The following ITGBL1 variants were observed in gnomAD, a reference collection of about 807,000 sequenced individuals.
ITGBL1 encodes integrin subunit beta like 1, also known as integrin beta-like protein 1.
Under a neutral mutation model 68.5 loss-of-function variants are expected in ITGBL1, and 51 were observed. The ratio of observed to expected loss-of-function variants is 0.74; its 90% CI spans 0.59 to 0.94. ITGBL1 has a LOEUF of 0.94. Among genes scored for constraint, ITGBL1 ranks in the 40% least tolerant of loss-of-function variants. ITGBL1 has a pLI of 0.00. For synonymous variants in ITGBL1, 209 were observed against 227.3 expected (o/e 0.92, Z 0.72); for missense variants, 649 against 647.4 (o/e 1.00, Z -0.03).
At chr13:101,521,987 A>G (rs2049293251) in intron 2 of ITGBL1, among the ~76,000 whole-genome samples, 1 of 151,716 alleles carries the variant, frequency 6.6e-6, no homozygotes, top group Non-Finnish European at 1.5e-5. Flanking sequence ...TGACGGCAAC[A>G]TGGTCTTTAT....
intron 2 of ITGBL1, among the ~76,000 whole-genome samples, chr13:101,564,575 CA>C (rs1211280823): frequency 6.7e-6 from 1 of 148,850 alleles, no homozygotes; most frequent in Middle Eastern, 3.4e-3. Context: ...AATTTATGTA[CA>C]TATATATGTA....
At chr13:101,647,309 T>C (rs2032590944) in intron 7 of ITGBL1, among the ~76,000 whole-genome samples, 2 of 152,188 alleles carry the variant, frequency 1.3e-5, no homozygotes, top group African/African-American at 4.8e-5. Context: ...TTCAAAACCA[T>C]CTATGATGAG....
intron 3 of ITGBL1, 21 bp from the exon 4 acceptor site, chr13:101,575,403 T>G: frequency 6.2e-7 from 1 of 1,605,104 alleles, no homozygotes; most frequent in Non-Finnish European, 8.5e-7. Flanking sequence ...ACAAACAGTC[T>G]TTTTTGTTTT....
At chr13:101,684,935 A>G (rs1221509040) in intron 7 of ITGBL1, among the ~76,000 whole-genome samples, 1 of 151,984 alleles carries the variant, frequency 6.6e-6, no homozygotes, top group Non-Finnish European at 1.5e-5. Flanking sequence ...TATTTGGTTG[A>G]ATAATATAAA....
chr13:101,611,222 C>A (rs1034607587), intron 7 of ITGBL1, among the ~76,000 whole-genome samples: 5 of 152,150 alleles, frequency 3.3e-5, no homozygotes, highest in African/African-American at 1.2e-4. Flanking sequence ...AAAATGATGT[C>A]ATAGAAATGC....
intron 7 of ITGBL1, among the ~76,000 whole-genome samples, chr13:101,629,240 A>C (rs1180938060): frequency 6.6e-6 from 1 of 152,034 alleles, no homozygotes; most frequent in Non-Finnish European, 1.5e-5. Flanking sequence ...TGATTTTGTT[A>C]ATTTTTTACC....
intron 7 of ITGBL1, among the ~76,000 whole-genome samples, chr13:101,605,636 G>A (rs2030762085): frequency 7.0e-6 from 1 of 141,966 alleles, no homozygotes; most frequent in African/African-American, 2.4e-5. Context: ...ATGTAGACAT[G>A]TATGTGTGTA....
chr13:101,641,889 A>T (rs1172754406), intron 7 of ITGBL1, among the ~76,000 whole-genome samples: 1 of 151,860 alleles, frequency 6.6e-6, no homozygotes, highest in East Asian at 1.9e-4. Flanking sequence ...AAAGGACATG[A>T]ACTCATCCTT....
intron 7 of ITGBL1, among the ~76,000 whole-genome samples, chr13:101,607,758 T>C (rs1201855224): frequency 6.6e-6 from 1 of 152,098 alleles, no homozygotes; most frequent in East Asian, 1.9e-4. Context: ...ATCAGTTAGC[T>C]CTTCTCAATG....
intron 2 of ITGBL1, among the ~76,000 whole-genome samples, chr13:101,540,399 T>C (rs2049672380): frequency 6.6e-6 from 1 of 152,210 alleles, no homozygotes. Flanking sequence ...TCTGTTCTGT[T>C]CCATTGGTCT....
At chr13:101,591,352 TAAC>T (rs1372945801) in intron 6 of ITGBL1, among the ~76,000 whole-genome samples, 1 of 152,212 alleles carries the variant, frequency 6.6e-6, no homozygotes, top group Non-Finnish European at 1.5e-5. Context: ...TTATTAATAA[TAAC>T]AATTTTCTTT....
intron 2 of ITGBL1, among the ~76,000 whole-genome samples, chr13:101,535,837 T>A (rs1204124945): frequency 6.6e-6 from 1 of 152,112 alleles, no homozygotes; most frequent in Non-Finnish European, 1.5e-5. Flanking sequence ...TAATCATTCT[T>A]AAAAGTCCAA....
At chr13:101,635,324 A>G (rs940136306) in intron 7 of ITGBL1, among the ~76,000 whole-genome samples, 2 of 152,130 alleles carry the variant, frequency 1.3e-5, no homozygotes, top group Non-Finnish European at 2.9e-5. Flanking sequence ...AATAAAACAC[A>G]TGTTAAATAT....
At chr13:101,647,811 C>G (rs1235265228) in intron 7 of ITGBL1, among the ~76,000 whole-genome samples, 2 of 152,158 alleles carry the variant, frequency 1.3e-5, no homozygotes, top group African/African-American at 4.8e-5. Flanking sequence ...GCTATTCCAC[C>G]CTGGTTTTTT....
At chr13:101,490,006 T>C in intron 2 of ITGBL1, 1 of 1,443,086 alleles carries the variant, frequency 6.9e-7, no homozygotes, top group East Asian at 2.5e-5. Flanking sequence ...TAAAGGTAAG[T>C]AGTATTTTTC....
chr13:101,554,567 T>A (rs2049974898), intron 2 of ITGBL1, among the ~76,000 whole-genome samples: 1 of 152,222 alleles, frequency 6.6e-6, no homozygotes, highest in Non-Finnish European at 1.5e-5. Context: ...TCATGAGCCA[T>A]GCTGCGTCTG....
chr13:101,575,274 T>C, intron 3 of ITGBL1, 150 bp from the exon 4 acceptor site: 1 of 698,178 alleles, frequency 1.4e-6, no homozygotes. Flanking sequence ...GAGTAGCATG[T>C]GCTTTACCTC....
rs146685799 is a variant in ITGBL1, at chr13:101,633,460, G to C, written c.1015+35161G>C. On this transcript the variant is annotated intron_variant, in intron 7 of 10. Transcript: ENST00000376180. Reference sequence around the variant, plus strand: ...TGAATGCTGTGGTGGCTTCATGACTGTGCCCAGTTCTTCCATCCATGCATG... The same window carrying C: ...TGAATGCTGTGGTGGCTTCATGACTCTGCCCAGTTCTTCCATCCATGCATG... Among the ~76,000 whole-genome samples the C allele has an allele frequency of 2.7e-4, 41 of 152,284 alleles. No homozygotes were observed. The East Asian group carries it at 7.7e-3, about 29-fold the overall frequency.
chr13:101,692,134 A>AAATATTACCT (rs1284853801), intron 7 of ITGBL1, among the ~76,000 whole-genome samples: 2 of 152,198 alleles, frequency 1.3e-5, no homozygotes, highest in Non-Finnish European at 2.9e-5. Flanking sequence ...TAGCACATTG[A>AAATATTACCT]AATATTACCT....
Sources: gnomAD v4.1 joint callset for allele counts (sites outside exome capture counted in the v4.1 genomes callset) on GRCh38, gnomAD v4.1.1 for gene constraint, MANE v1.5 for transcripts, NCBI Gene and HGNC (gene_info 2026-07-23, HGNC 2026-07-21) for gene names.